Variants in NANP observed in about 807,000 individuals in gnomAD.
NANP encodes the protein N-acylneuraminate-9-phosphatase.
NANP carries 15 observed loss-of-function variants against 16.9 expected under a neutral mutation model. The ratio of observed to expected loss-of-function variants is 0.89; its 90% CI spans 0.59 to 1.37. NANP has a LOEUF of 1.37. Ranked by LOEUF, NANP falls within the 40% of genes most tolerant of loss-of-function variation. NANP has a pLI of 0.00. For missense variants in NANP, 290 were observed against 303.5 expected (o/e 0.96, Z 0.33); for synonymous variants, 135 against 112.6 (o/e 1.20, Z -1.26).
At chr20:25,623,091 G>A (rs893605730) in intron 1 of NANP, among the ~76,000 whole-genome samples, 1 of 152,254 alleles carries the variant, frequency 6.6e-6, no homozygotes, top group African/African-American at 2.4e-5. Context: ...GCTTTTGAAA[G>A]TGAGTTTTCC....
rs763099065 is a variant in NANP, at chr20:25,623,867, T to A, written c.82A>T (p.Met28Leu). 1.9e-6 allele frequency: 3 copies of A among 1,613,370 alleles called. No individual in the cohort carries two copies. The highest frequency in any genetic ancestry group is 1.1e-5 in the South Asian group (1 of 90,998). Residue 28 changes from methionine (M) to leucine (L), a missense_variant, in exon 1 of 2, where the codon ATG (methionine) becomes TTG (leucine). Transcript: ENST00000304788. ...ATGGGTGGGGACGTTACCTCCAACA[T>A]GCCTCTCCTGCTCGCCCCGGCCGTG... ...IDTAGASRRG[M>L]LEVIKLLQSK...
chr20:25,622,869 C>A (rs1021378096), intron 1 of NANP, among the ~76,000 whole-genome samples: 1 of 152,128 alleles, frequency 6.6e-6, no homozygotes, highest in African/African-American at 2.4e-5. Context: ...ACATGGCTGT[C>A]AAGAGAGACA....
In NANP at chr20:25,613,741, T is replaced by C. The variant is rs2065331120; in HGVS notation, c.*2184A>G. On this transcript the variant is annotated 3_prime_UTR_variant, in exon 2 of 2. Coordinates refer to ENST00000304788, the MANE Select transcript of NANP (RefSeq NM_152667.3). The stretch of plus-strand genomic sequence containing the variant: ...CTGTGAAGACAAGGAAATTTAATTA[T>C]TCAATTTTTTCCTTCTACATCATTT... The C allele has an allele frequency of 2.5e-6, 1 of 398,428 alleles. No homozygotes were observed. Among genetic ancestry groups the C allele is most frequent in the Non-Finnish European group, 4.4e-6 (1 of 226,042 alleles). 24.7% of individuals were successfully genotyped at this position (398,428 alleles called of 1,614,324 possible). A position where few individuals can be genotyped will look rare whatever the true frequency, so the allele number is the denominator to read the frequency against.
At position 25,616,433 on chromosome 20, in the gene NANP, A is replaced by G. The variant is rs1247445103; in HGVS notation, c.239T>C (p.Ile80Thr). ...DLRTSHWEEA[I>T]QETKGGAANR... The stretch of plus-strand genomic sequence containing the variant: ...GGCTGCACCACCTTTTGTTTCCTGG[A>G]TTGCTTCTTCCCAATGTGAAGTCCT... Residue 80 changes from isoleucine to threonine, a missense_variant, in exon 2 of 2, where the codon ATC (isoleucine) becomes ACC (threonine). Ile to Thr is a moderately conservative substitution (Grantham distance 89). Coordinates refer to ENST00000304788, the MANE Select transcript of NANP (RefSeq NM_152667.3). 1.9e-6 allele frequency: 3 copies of G among 1,613,996 alleles called. No individual in the cohort carries two copies. Among genetic ancestry groups the G allele is most frequent in the Non-Finnish European group, 2.5e-6 (3 of 1,180,032 alleles).
At chr20:25,621,514 A>G (rs890828375) in intron 1 of NANP, among the ~76,000 whole-genome samples, 2 of 152,222 alleles carry the variant, frequency 1.3e-5, no homozygotes. Context: ...CCCAAGCCCA[A>G]GGCCATAAAT....
intron 1 of NANP, among the ~76,000 whole-genome samples, chr20:25,622,351 C>T (rs1426917856): frequency 3.9e-5 from 6 of 152,174 alleles, no homozygotes; most frequent in African/African-American, 7.2e-5. Flanking sequence ...CAACCATGGG[C>T]TTCCCAAGTA....
rs750282069 is a variant in NANP at position 25,623,902 on chromosome 20, G to A, written c.47C>T (p.Thr16Ile). 1.2e-6 allele frequency: 2 copies of A among 1,613,600 alleles called. No individual in the cohort carries two copies. Among genetic ancestry groups the A allele is most frequent in the Non-Finnish European group, 1.7e-6 (2 of 1,179,732 alleles). ...VRAVFFDLDN[T>I]LIDTAGASRR... ...GCTCGCCCCGGCCGTGTCGATGAGA[G>A]TGTTGTCCAAGTCAAAGAAAACCGC... The change falls in exon 1 of 2, where the codon ACT (threonine) becomes ATT (isoleucine). Residue 16 changes from threonine (T) to isoleucine (I), a missense_variant. Physicochemically the swap from Thr to Ile is moderately conservative, Grantham distance 89. Transcript: ENST00000304788.
rs192310941 is a variant in NANP at position 25,617,166 on chromosome 20, A to C, written c.91-585T>G. Among the ~76,000 whole-genome samples the C allele has an allele frequency of 5.9e-5, 9 of 152,304 alleles. No homozygotes were observed. In the East Asian group the frequency reaches 1.7e-3, roughly 29 times the overall value. On this transcript the variant is annotated intron_variant, in intron 1 of 1. Transcript: ENST00000304788. ...CTTTTCTCATCTACATCCATTTCAC[A>C]TTTTGAAGACCTAAATTGACTATCA...
At position 25,614,131 on chromosome 20, in the gene NANP, C is replaced by T. The variant is rs931940319; in HGVS notation, c.*1794G>A. 6.5e-6 allele frequency: 2 copies of T among 309,084 alleles called. No homozygotes were observed. Among genetic ancestry groups the T allele is most frequent in the East Asian group, 1.0e-4 (2 of 19,164 alleles). 19.1% of individuals were successfully genotyped at this position (309,084 alleles called of 1,614,324 possible). On this transcript the variant is annotated 3_prime_UTR_variant, in exon 2 of 2. Coordinates refer to ENST00000304788, the MANE Select transcript of NANP (RefSeq NM_152667.3). ...CAATCACATTTTTAAAAATCTAGAG[C>T]GAAAAGTAAACACGAAAGGGCATTT... is the stretch of plus-strand genomic sequence containing the variant.
In NANP at chr20:25,616,258, CT is replaced by C; in HGVS notation, c.413del (p.Gln138ArgfsTer19). On this transcript the variant is annotated frameshift_variant, in exon 2 of 2. Transcript: ENST00000304788. LOFTEE classifies it high-confidence loss of function. ...AGGCACAAGCCTCAATCTTCTCCCT[CT>C]GGGTCTGTCTGTCCCCATTCGTTAA... is the stretch of plus-strand genomic sequence containing the variant. ...LLLTNGDRQT[Q>X]REKIEACACQ... is the part of the protein sequence containing the mutation. 1 of 1,614,216 alleles carries C rather than the reference CT, an allele frequency of 6.2e-7. No homozygotes were observed. Among genetic ancestry groups the C allele is most frequent in the Non-Finnish European group, 8.5e-7 (1 of 1,180,042 alleles).
At chr20:25,621,809 TC>T (rs1201910693) in intron 1 of NANP, among the ~76,000 whole-genome samples, 1 of 152,208 alleles carries the variant, frequency 6.6e-6, no homozygotes, top group Non-Finnish European at 1.5e-5. Flanking sequence ...CATCTCGGTC[TC>T]CCAAAGTACT....
intron 1 of NANP, among the ~76,000 whole-genome samples, chr20:25,620,182 T>A (rs553290223): frequency 6.6e-6 from 1 of 152,342 alleles, no homozygotes; most frequent in African/African-American, 2.4e-5. Context: ...TCCTAACACC[T>A]GCACTGAAAA....
At position 25,614,390 on chromosome 20, in the gene NANP, G is replaced by A. The variant is rs1349581267; in HGVS notation, c.*1535C>T. The A allele has an allele frequency of 6.6e-6, 1 of 152,040 alleles. No individual in the cohort carries two copies. The highest frequency in any genetic ancestry group is 1.5e-5 in the Non-Finnish European group (1 of 68,016). The allele number at this position is 152,040 out of a possible 1,614,324, so 9.4% of individuals were successfully genotyped here. On this transcript the variant is annotated 3_prime_UTR_variant, in exon 2 of 2. Coordinates refer to ENST00000304788, the MANE Select transcript of NANP (RefSeq NM_152667.3). ...TCATATTTATTAACCACTTTAATAA[G>A]CCCCTTTATACTTTCTTTTTTTTCA...
chr20:25,620,274 G>C (rs1467529692), intron 1 of NANP, among the ~76,000 whole-genome samples: 3 of 152,138 alleles, frequency 2.0e-5, no homozygotes, highest in East Asian at 1.9e-4. Flanking sequence ...TGACTGGTAA[G>C]GCAGGGCTGA....
intron 1 of NANP, among the ~76,000 whole-genome samples, chr20:25,622,325 C>T (rs561742862): frequency 1.3e-5 from 2 of 152,296 alleles, no homozygotes; most frequent in South Asian, 2.1e-4. Flanking sequence ...TGCTATAGTT[C>T]GCTGAGTGGA....
Position 25,616,330 on chromosome 20 carries a change from G to A in NANP, c.342C>T (p.Val114=). ...TTCGAAGTTCAGTAAGCATGGCTTTGACGTCTTCTGCTAGTGTCATATGCT... is the reference window on the plus strand; with the variant it reads ...TTCGAAGTTCAGTAAGCATGGCTTTAACGTCTTCTGCTAGTGTCATATGCT... ...RLQHMTLAED[V]KAMLTELRKE... The change falls in exon 2 of 2, where the codon GTC becomes GTT. Residue 114 remains valine (V), a synonymous_variant. Transcript: ENST00000304788. 1 of 1,614,122 alleles carries A rather than the reference G, an allele frequency of 6.2e-7. No homozygotes were observed. The highest frequency in any genetic ancestry group is 8.5e-7 in the Non-Finnish European group (1 of 1,180,008).
chr20:25,623,359 G>A (rs546448007), intron 1 of NANP, among the ~76,000 whole-genome samples: 1 of 152,344 alleles, frequency 6.6e-6, no homozygotes, highest in East Asian at 1.9e-4. Flanking sequence ...TCTAAAGCAG[G>A]GCTTAAGTCC....
At position 25,621,844 on chromosome 20, in the gene NANP, CG is replaced by C. The variant is rs554847531; in HGVS notation, c.90+2014del. Among the ~76,000 whole-genome samples, 1,251 of 152,298 alleles carry C rather than the reference CG, an allele frequency of 8.2e-3. 18 individuals are homozygous for C. Among genetic ancestry groups the C allele is most frequent in the African/African-American group, 0.026 (1,074 of 41,564 alleles). The stretch of plus-strand genomic sequence containing the variant: ...CTGGGATTACAGGCGTGAGCCACCG[CG>C]CCCGGCCCATTCATAAATTATTTAC... On this transcript the variant is annotated intron_variant, in intron 1 of 1. Coordinates refer to ENST00000304788, the MANE Select transcript of NANP (RefSeq NM_152667.3).
rs2065344268 is a variant in NANP, at chr20:25,616,474, T to C, written c.198A>G (p.Thr66=). The C allele has an allele frequency of 6.2e-7, 1 of 1,614,064 alleles. No homozygotes were observed. Among genetic ancestry groups the C allele is most frequent in the African/African-American group, 1.3e-5 (1 of 75,058 alleles). ...GTGAAGTCCTTAAATCAGTAATGCA[T>C]GTATTGTAAGGATGAAAACATTCCT... ...LSKECFHPYN[T]CITDLRTSHW... Residue 66 remains threonine (T), a synonymous_variant, in exon 2 of 2, where the codon ACA becomes ACG. Transcript: ENST00000304788.
Sources: allele counts gnomAD v4.1 joint callset (sites outside exome capture counted in the v4.1 genomes callset), GRCh38; gene constraint gnomAD v4.1.1; transcripts MANE v1.5; gene names NCBI Gene and HGNC (gene_info 2026-07-23, HGNC 2026-07-21).